ZNF804B: variants seen among roughly 807,000 people sequenced by gnomAD.
ZNF804B encodes the protein zinc finger protein 804B, also known as zinc finger 804B.
ZNF804B carries 80 observed loss-of-function variants against 101.4 expected under a neutral mutation model. The ratio of observed to expected loss-of-function variants is 0.79; its 90% CI spans 0.66 to 0.95. ZNF804B has a LOEUF of 0.95. Among genes scored for constraint, ZNF804B ranks in the 40% least tolerant of loss-of-function variants. The pLI is 0.00. For missense variants in ZNF804B, 1,673 were observed against 1,561.9 expected (o/e 1.07, Z -1.20); for synonymous variants, 622 against 558.8 (o/e 1.11, Z -1.59).
At chr7:89,107,822 C>T (rs1279763058) in intron 1 of ZNF804B, among the ~76,000 whole-genome samples, 2 of 152,128 alleles carry the variant, frequency 1.3e-5, no homozygotes, top group Non-Finnish European at 2.9e-5. Flanking sequence ...CAAAACTTCA[C>T]CGCTATTACT....
intron 1 of ZNF804B, among the ~76,000 whole-genome samples, chr7:89,089,012 C>G (rs929064858): frequency 2.0e-5 from 3 of 151,600 alleles, no homozygotes; most frequent in South Asian, 2.1e-4. Flanking sequence ...TCCATGTGCT[C>G]CTGGGTAAGG....
intron 1 of ZNF804B, among the ~76,000 whole-genome samples, chr7:89,117,055 T>C (rs895428187): frequency 1.2e-4 from 19 of 152,244 alleles, no homozygotes; most frequent in Admixed American, 7.8e-4. Flanking sequence ...GGTTTGAAGA[T>C]ACGAACCTTG....
chr7:89,085,541 G>C (rs1474782323), intron 1 of ZNF804B, among the ~76,000 whole-genome samples: 1 of 151,842 alleles, frequency 6.6e-6, no homozygotes, highest in Non-Finnish European at 1.5e-5. Context: ...GTGGTTAATT[G>C]TGAGGTGGGT....
chr7:89,143,226 C>CT (rs1159119203), intron 1 of ZNF804B, among the ~76,000 whole-genome samples: 1 of 151,832 alleles, frequency 6.6e-6, no homozygotes, highest in Non-Finnish European at 1.5e-5. Flanking sequence ...GTATAATGAG[C>CT]TTGGGATGAA....
At chr7:88,854,053 TTAAC>T (rs1324097754) in intron 1 of ZNF804B, among the ~76,000 whole-genome samples, 1 of 152,186 alleles carries the variant, frequency 6.6e-6, no homozygotes, top group Non-Finnish European at 1.5e-5. Context: ...TTTTAATTCT[TTAAC>T]TAAATGTGAA....
chr7:88,857,496 A>T (rs550426235), intron 1 of ZNF804B, among the ~76,000 whole-genome samples: 4 of 152,282 alleles, frequency 2.6e-5, no homozygotes, highest in African/African-American at 9.6e-5. Flanking sequence ...TCTACACAAA[A>T]AAACTAGAAA....
At chr7:89,280,987 G>A (rs1435990309) in intron 2 of ZNF804B, among the ~76,000 whole-genome samples, 1 of 152,008 alleles carries the variant, frequency 6.6e-6, no homozygotes, top group African/African-American at 2.4e-5. Flanking sequence ...GTGTTTTGTA[G>A]TAAATTTCAA....
chr7:88,904,860 G>T (rs1473359821), intron 1 of ZNF804B, among the ~76,000 whole-genome samples: 2 of 152,056 alleles, frequency 1.3e-5, no homozygotes, highest in African/African-American at 4.8e-5. Context: ...GAGTTTTTAG[G>T]GTTTTCCATG....
intron 2 of ZNF804B, among the ~76,000 whole-genome samples, chr7:89,221,803 T>C (rs1354405609): frequency 1.3e-5 from 2 of 151,808 alleles, no homozygotes; most frequent in East Asian, 3.9e-4. Flanking sequence ...ATTTGTTTAT[T>C]GACTTTCTGT....
chr7:89,111,982 T>C (rs2116353322), intron 1 of ZNF804B, among the ~76,000 whole-genome samples: 1 of 151,920 alleles, frequency 6.6e-6, no homozygotes, highest in African/African-American at 2.4e-5. Flanking sequence ...GGCGTGCCTG[T>C]AGTCCCACAG....
intron 1 of ZNF804B, among the ~76,000 whole-genome samples, chr7:88,838,405 A>G (rs1230501408): frequency 6.6e-6 from 1 of 151,914 alleles, no homozygotes; most frequent in East Asian, 1.9e-4. Flanking sequence ...GTTTTGTTAC[A>G]TGTTACAGTG....
intron 1 of ZNF804B, among the ~76,000 whole-genome samples, chr7:88,897,121 T>C (rs1039605039): frequency 6.6e-6 from 1 of 152,190 alleles, no homozygotes; most frequent in African/African-American, 2.4e-5. Context: ...AAGATATCCA[T>C]GCATTAACCC....
intron 1 of ZNF804B, among the ~76,000 whole-genome samples, chr7:89,157,583 A>T (rs1177670669): frequency 6.6e-6 from 1 of 152,142 alleles, no homozygotes; most frequent in East Asian, 1.9e-4. Flanking sequence ...GATTCATTAA[A>T]CACAGTGGAC....
chr7:89,176,797 T>C (rs1791330357), intron 1 of ZNF804B, among the ~76,000 whole-genome samples: 1 of 151,964 alleles, frequency 6.6e-6, no homozygotes, highest in South Asian at 2.1e-4. Context: ...GACTTTTTAT[T>C]ACAGCCTTGA....
chr7:89,114,219 A>T (rs1790274301), intron 1 of ZNF804B, among the ~76,000 whole-genome samples: 1 of 152,212 alleles, frequency 6.6e-6, no homozygotes, highest in South Asian at 2.1e-4. Flanking sequence ...TAATCAAAAT[A>T]TTTCTCCTCT....
intron 1 of ZNF804B, among the ~76,000 whole-genome samples, chr7:88,774,700 T>C (rs1586897321): frequency 6.6e-6 from 1 of 152,322 alleles, no homozygotes; most frequent in East Asian, 1.9e-4. Flanking sequence ...AAAGAAAATG[T>C]GGGAAACCAC....
intron 2 of ZNF804B, among the ~76,000 whole-genome samples, chr7:89,289,998 G>T (rs1319867539): frequency 6.6e-6 from 1 of 152,138 alleles, no homozygotes; most frequent in Admixed American, 6.5e-5. Flanking sequence ...AGAGGACTTT[G>T]TCTTGCATCT....
intron 1 of ZNF804B, among the ~76,000 whole-genome samples, chr7:88,841,587 G>T (rs1791292959): frequency 6.6e-6 from 1 of 152,096 alleles, no homozygotes; most frequent in South Asian, 2.1e-4. Context: ...ATTTCAGTTT[G>T]TGTCCTTTCT....
chr7:89,028,302 GA>G (rs2116226959), intron 1 of ZNF804B, among the ~76,000 whole-genome samples: 1 of 152,268 alleles, frequency 6.6e-6, no homozygotes, highest in Admixed American at 6.5e-5. Flanking sequence ...GCAGTCATAT[GA>G]AAAGAGTGAG....
Sources: gnomAD v4.1 joint callset for allele counts (sites outside exome capture counted in the v4.1 genomes callset) on GRCh38, gnomAD v4.1.1 for gene constraint, MANE v1.5 for transcripts, NCBI Gene and HGNC (gene_info 2026-07-23, HGNC 2026-07-21) for gene names.